Variants in ZNF273 observed in about 807,000 individuals in gnomAD.
The protein encoded by ZNF273 is zinc finger protein 9.
A neutral mutation model predicts 14.9 loss-of-function variants in ZNF273; 11 were observed. That is an observed-to-expected ratio of 0.74 (90% confidence interval 0.46 to 1.22). The LOEUF (loss-of-function observed/expected upper bound fraction) is 1.22. Among genes scored for constraint, ZNF273 ranks in the 50% most tolerant of loss-of-function variants. The pLI is 0.00. For synonymous variants in ZNF273, 199 were observed against 223.9 expected, an observed-to-expected ratio of 0.89 and a Z score of 0.99; for missense variants, 577 against 660.6, an observed-to-expected ratio of 0.87 and a Z score of 1.39.
chr7:64,912,005 G>T (rs1222666189), intron 1 of ZNF273, among the ~76,000 whole-genome samples: 1 of 152,192 alleles, frequency 6.6e-6, no homozygotes, highest in Admixed American at 6.5e-5. Context: ...TTCAAGTGCA[G>T]GTTAAGTTCC....
intron 3 of ZNF273, among the ~76,000 whole-genome samples, chr7:64,918,630 C>T (rs909290858): frequency 1.6e-5 from 2 of 126,288 alleles, no homozygotes; most frequent in African/African-American, 6.0e-5. Context: ...CACTGCACTC[C>T]AGCCTGGAGA....
In ZNF273 at chr7:64,879,465, TAGAC is replaced by T. The variant is rs1308222193; in HGVS notation, n.349_352del. The T allele has an allele frequency of 2.0e-5, 3 of 152,400 alleles. No individual in the cohort carries two copies. In the East Asian group the frequency reaches 5.8e-4, roughly 29 times the overall value. 9.4% of individuals were successfully genotyped at this position (152,400 alleles called of 1,614,324 possible). ...TGTTTTTCAGGCTTGAAATCGCCCT[TAGAC>T]AGCCTCTGAGACACTTTCTCAACCT... On this transcript the variant is annotated non_coding_transcript_exon_variant, in exon 3 of 3. Coordinates refer to the ZNF273 transcript ENST00000465954.
upstream of ZNF273, among the ~76,000 whole-genome samples, chr7:64,898,894 G>A (rs1387754114): frequency 6.6e-6 from 1 of 152,216 alleles, no homozygotes; most frequent in African/African-American, 2.4e-5. Context: ...GTTTTTGGCA[G>A]CTAATGGCAT....
chr7:64,905,577 CT>C (rs34555555), intron 1 of ZNF273, among the ~76,000 whole-genome samples: 133,221 of 151,990 alleles, frequency 0.88, 58,586 homozygotes, highest in South Asian at 0.95. Context: ...CCTGAATTCT[CT>C]TAACATTTGT....
chr7:64,883,286 G>C (rs775558712), downstream of ZNF273, among the ~76,000 whole-genome samples: 2 of 145,252 alleles, frequency 1.4e-5, no homozygotes, highest in African/African-American at 5.1e-5. Context: ...AGAAACCTCC[G>C]AGCGCCTCCT....
At chr7:64,913,861 T>A (rs1034301058) in intron 1 of ZNF273, among the ~76,000 whole-genome samples, 3 of 152,190 alleles carry the variant, frequency 2.0e-5, no homozygotes, top group Non-Finnish European at 4.4e-5. Flanking sequence ...GCTAAGTGGT[T>A]ATCAGCTCAG....
At chr7:64,911,506 AC>A (rs1793511244) in intron 1 of ZNF273, among the ~76,000 whole-genome samples, 1 of 151,716 alleles carries the variant, frequency 6.6e-6, no homozygotes. Flanking sequence ...GAGGTGATCC[AC>A]CCGCCTTAGC....
At chr7:64,931,712 A>G (rs1448943147), downstream of ZNF273, among the ~76,000 whole-genome samples, 1 of 152,132 alleles carries the variant, frequency 6.6e-6, no homozygotes, top group Non-Finnish European at 1.5e-5. Flanking sequence ...ATGCTGTTCT[A>G]TATAAACATA....
chr7:64,910,316 A>C (rs1793397592), intron 1 of ZNF273, among the ~76,000 whole-genome samples: 1 of 152,118 alleles, frequency 6.6e-6, no homozygotes, highest in Non-Finnish European at 1.5e-5. Flanking sequence ...TAAGTTTCAA[A>C]TTTAAGTCTT....
At chr7:64,888,195 TC>T (rs1302496893) in intron 1 of ZNF273, 1 of 708,744 alleles carries the variant, frequency 1.4e-6, no homozygotes, top group Non-Finnish European at 1.7e-6. Flanking sequence ...TTCACCCCAT[TC>T]CCTGAAGCCT....
chr7:64,910,535 T>TTTTTG (rs1185242768), intron 1 of ZNF273, among the ~76,000 whole-genome samples: 1 of 152,204 alleles, frequency 6.6e-6, no homozygotes, highest in South Asian at 2.1e-4. Context: ...ATGAGCCTGT[T>TTTTTG]TTTTGTTTTG....
At chr7:64,923,012 A>G (rs1436838535) in intron 3 of ZNF273, among the ~76,000 whole-genome samples, 1 of 152,138 alleles carries the variant, frequency 6.6e-6, no homozygotes, top group Non-Finnish European at 1.5e-5. Context: ...TTTACAATAA[A>G]TATTCTTAAA....
intron 1 of ZNF273, among the ~76,000 whole-genome samples, chr7:64,886,775 C>T (rs892384535): frequency 1.3e-5 from 2 of 152,200 alleles, no homozygotes; most frequent in Non-Finnish European, 2.9e-5. Flanking sequence ...AGGTGACCTA[C>T]GATGCTTTTT....
chr7:64,889,306 G>A (rs1583961631), downstream of ZNF273: 4 of 942,556 alleles, frequency 4.2e-6, no homozygotes, highest in Non-Finnish European at 3.7e-6. This position sits in a 1 kb window ranked among gnomAD's most constrained non-coding sequence, Gnocchi z 4.2. Flanking sequence ...CTCGCCCGCC[G>A]GTGCCTGAGC....
chr7:64,936,879 T>A, the ZNF273 span, among the ~76,000 whole-genome samples: 1 of 152,218 alleles, frequency 6.6e-6, no homozygotes, highest in Non-Finnish European at 1.5e-5. Context: ...AAGAAGGCAT[T>A]GAAATAGAGA....
intron 3 of ZNF273, among the ~76,000 whole-genome samples, chr7:64,926,868 T>G (rs140656007): frequency 1.3e-5 from 2 of 152,300 alleles, no homozygotes; most frequent in African/African-American, 4.8e-5. Flanking sequence ...AGTAATCACT[T>G]GCTACACCTG....
intron 3 of ZNF273, 83 bp downstream of exon 3, chr7:64,918,375 G>T (rs1280914443): frequency 1.5e-6 from 2 of 1,371,008 alleles, no homozygotes; most frequent in East Asian, 7.3e-5. Flanking sequence ...CTTAAAATGT[G>T]ATTTGGGCCA....
chr7:64,899,854 G>T (rs1792581409), upstream of ZNF273, among the ~76,000 whole-genome samples: 2 of 150,264 alleles, frequency 1.3e-5, no homozygotes, highest in Non-Finnish European at 3.0e-5. Context: ...TCTGCCTCCC[G>T]GTTTCAAGTG....
chr7:64,902,624 C>G (rs1462193453), upstream of ZNF273, among the ~76,000 whole-genome samples: 1 of 152,196 alleles, frequency 6.6e-6, no homozygotes, highest in Non-Finnish European at 1.5e-5. Context: ...ATCGCTTGAA[C>G]CCCGGAGGGA....
Sources: gnomAD v4.1 joint callset for allele counts (sites outside exome capture counted in the v4.1 genomes callset) on GRCh38, gnomAD v4.1.1 for gene constraint, Gnocchi (gnomAD v3.1) non-coding constraint, MANE v1.5 for transcripts, NCBI Gene and HGNC (gene_info 2026-07-23, HGNC 2026-07-21) for gene names.